Variants in DSCAM observed in about 807,000 individuals in gnomAD.
DSCAM encodes DS cell adhesion molecule, also known as cell adhesion molecule DSCAM.
In DSCAM, 47 loss-of-function variants were observed where a neutral mutation model predicts 217.7. The ratio of observed to expected loss-of-function variants is 0.22; its 90% CI spans 0.17 to 0.28. DSCAM has a LOEUF of 0.28. Ranked by LOEUF, DSCAM falls within the 10% of genes least tolerant of loss-of-function variation. DSCAM has a pLI of 1.00. For synonymous variants in DSCAM, 1,056 were observed against 1,015.3 expected (o/e 1.04, Z -0.76); for missense variants, 2,080 against 2,618.3 (o/e 0.79, Z 4.49).
intron 1 of DSCAM, among the ~76,000 whole-genome samples, chr21:40,781,406 C>A (rs1409311972): frequency 6.6e-6 from 1 of 152,180 alleles, no homozygotes; most frequent in Non-Finnish European, 1.5e-5. Context: ...GCATTCATTA[C>A]TGCAATCACT....
At chr21:40,022,336 C>A (rs1272381906) in intron 32 of DSCAM, among the ~76,000 whole-genome samples, 1 of 152,186 alleles carries the variant, frequency 6.6e-6, no homozygotes, top group Non-Finnish European at 1.5e-5. Context: ...AGAATAGCCC[C>A]TGCCACGAAG....
intron 11 of DSCAM, among the ~76,000 whole-genome samples, chr21:40,222,219 G>A (rs1354694787): frequency 6.6e-6 from 1 of 152,180 alleles, no homozygotes; most frequent in Non-Finnish European, 1.5e-5. Flanking sequence ...GACATTAGTA[G>A]TGATATTATA....
intron 11 of DSCAM, among the ~76,000 whole-genome samples, chr21:40,272,950 G>C (rs2073638848): frequency 6.6e-6 from 1 of 151,988 alleles, no homozygotes. Flanking sequence ...TTGGCCATTA[G>C]AGTTGCTAAA....
intron 1 of DSCAM, among the ~76,000 whole-genome samples, chr21:40,794,254 G>A (rs1444506990): frequency 1.3e-5 from 2 of 152,088 alleles, no homozygotes; most frequent in African/African-American, 4.8e-5. Context: ...GAAGCAATAA[G>A]TGATATATTT....
Position 40,353,356 on chromosome 21 carries a change from T to C in DSCAM, c.934+109A>G, listed in dbSNP as rs1239480363. 7 of 1,435,440 alleles carry C rather than the reference T, an allele frequency of 4.9e-6. No homozygotes were observed. The African/African-American group carries it at 1.0e-4, about 21-fold the overall frequency. The allele number at this position is 1,435,440 out of a possible 1,614,324, so 88.9% of individuals were successfully genotyped here. ...AGGTTTCTGTTGATCTCAGCTGGAC[T>C]GTTTTGGGAGTTAATGGAAAGCTAC... On this transcript the variant is annotated intron_variant, in intron 5 of 32. Coordinates refer to ENST00000400454, the MANE Select transcript of DSCAM (RefSeq NM_001389.5).
chr21:40,846,546 T>TGGGGGGGGGGGGGGGGGGG, intron 1 of DSCAM, 73 bp downstream of exon 1: 1 of 296,850 alleles, frequency 3.4e-6, no homozygotes, highest in Non-Finnish European at 6.5e-6. Context: ...ATGCATCCAA[T>TGGGGGGGGGGGGGGGGGGG]GCCACCCCCC....
chr21:40,131,721 T>C (rs373022405), intron 19 of DSCAM, among the ~76,000 whole-genome samples: 4 of 152,200 alleles, frequency 2.6e-5, no homozygotes, highest in East Asian at 1.9e-4. Flanking sequence ...ATATTGACAC[T>C]CAGTTCTGCA....
At chr21:40,111,519 A>T (rs2146636886) in intron 20 of DSCAM, among the ~76,000 whole-genome samples, 1 of 152,298 alleles carries the variant, frequency 6.6e-6, no homozygotes, top group African/African-American at 2.4e-5. Flanking sequence ...AACGAGCAAA[A>T]TAACCAGCTA....
intron 1 of DSCAM, among the ~76,000 whole-genome samples, chr21:40,809,300 C>T (rs1375858319): frequency 6.6e-6 from 1 of 152,072 alleles, no homozygotes; most frequent in Admixed American, 6.5e-5. Flanking sequence ...GAAGCAGATC[C>T]TAATTTGAGG....
chr21:40,226,382 A>G (rs1387607504), intron 11 of DSCAM, among the ~76,000 whole-genome samples: 2 of 152,326 alleles, frequency 1.3e-5, no homozygotes, highest in East Asian at 3.9e-4. Flanking sequence ...TTCTCCCTTG[A>G]ACACTGAGTT....
intron 5 of DSCAM, 23 bp downstream of exon 5, chr21:40,353,419 ATCGATGGAAGCCAACACCACCTT>A (rs2074655030): frequency 6.3e-7 from 1 of 1,582,906 alleles, no homozygotes; most frequent in Admixed American, 2.0e-5. Context: ...CAGGAGCTCC[ATCGATGGAAGCCAACACCACCTT>A]TGCAAGTTAC....
At chr21:40,845,988 A>T (rs1017787029) in intron 1 of DSCAM, among the ~76,000 whole-genome samples, 3 of 148,278 alleles carry the variant, frequency 2.0e-5, no homozygotes, top group African/African-American at 7.5e-5. Context: ...CATTTTTACA[A>T]CTATACAGGT....
intron 3 of DSCAM, among the ~76,000 whole-genome samples, chr21:40,392,252 T>A (rs563543182): frequency 6.6e-6 from 1 of 152,286 alleles, no homozygotes; most frequent in South Asian, 2.1e-4. Flanking sequence ...GATATTTATG[T>A]ACAGGTATTA....
At chr21:40,766,976 G>A (rs368835830) in intron 1 of DSCAM, among the ~76,000 whole-genome samples, 36 of 152,182 alleles carry the variant, frequency 2.4e-4, no homozygotes, top group African/African-American at 7.2e-4. Flanking sequence ...ATGAGCCACC[G>A]TGTCCAGCCA....
chr21:40,040,463 A>G (rs1419887619), intron 32 of DSCAM, among the ~76,000 whole-genome samples: 2 of 152,208 alleles, frequency 1.3e-5, no homozygotes, highest in East Asian at 3.8e-4. Context: ...TGTGCCCTAA[A>G]TCACACACAA....
chr21:40,419,202 C>G lies in DSCAM; in HGVS notation c.509-49957G>C, dbSNP rs575358845. Among the ~76,000 whole-genome samples, 355 of 151,000 alleles carry G rather than the reference C, an allele frequency of 2.4e-3. 2 individuals carry two copies. Among genetic ancestry groups the G allele is most frequent in the African/African-American group, 8.1e-3 (332 of 41,106 alleles). ...TTCACTGTGTTAGCCAGGATGGTCTCCATCTCCTGACCTCATAATCCGCCT... is the reference window on the plus strand; with the variant it reads ...TTCACTGTGTTAGCCAGGATGGTCTGCATCTCCTGACCTCATAATCCGCCT... On this transcript the variant is annotated intron_variant, in intron 3 of 32. Transcript: ENST00000400454.
intron 32 of DSCAM, among the ~76,000 whole-genome samples, chr21:40,026,786 T>C (rs1190175231): frequency 7.6e-6 from 1 of 131,422 alleles, no homozygotes; most frequent in Non-Finnish European, 1.7e-5. Context: ...GAGATGGGTC[T>C]CCTGAATACA....
At chr21:40,640,083 G>A (rs2089858976) in intron 3 of DSCAM, among the ~76,000 whole-genome samples, 1 of 149,256 alleles carries the variant, frequency 6.7e-6, no homozygotes, top group East Asian at 1.9e-4. Context: ...ACCAGAATAA[G>A]GACGCAAAGC....
At chr21:40,422,685 A>T (rs917975550) in intron 3 of DSCAM, among the ~76,000 whole-genome samples, 5 of 152,096 alleles carry the variant, frequency 3.3e-5, no homozygotes, top group African/African-American at 1.2e-4. Context: ...CTATTTTTTA[A>T]AAAATGTATA....
Sources: gnomAD v4.1 joint callset for allele counts (sites outside exome capture counted in the v4.1 genomes callset) on GRCh38, gnomAD v4.1.1 for gene constraint, MANE v1.5 for transcripts, NCBI Gene and HGNC (gene_info 2026-07-23, HGNC 2026-07-21) for gene names.